The following ALK variants were observed in gnomAD, a reference collection of about 807,000 sequenced individuals.
ALK encodes ALK receptor tyrosine kinase, also known as ALK tyrosine kinase receptor.
Under a neutral mutation model 163.1 loss-of-function variants are expected in ALK, and 74 were observed. That is an observed-to-expected ratio of 0.45 (90% CI 0.38 to 0.55). The LOEUF is 0.55. ALK is among the 20% of genes least tolerant of loss of function. The pLI is 0.00. For missense variants in ALK, 2,063 were observed against 2,105.3 expected, an observed-to-expected ratio of 0.98 and a Z score of 0.39; for synonymous variants, 960 against 843.2, an observed-to-expected ratio of 1.14 and a Z score of -2.40.
At chr2:29,329,034 G>C (rs186714862) in intron 5 of ALK, among the ~76,000 whole-genome samples, 1 of 152,296 alleles carries the variant, frequency 6.6e-6, no homozygotes, top group East Asian at 1.9e-4. Flanking sequence ...ATCTGGACTT[G>C]GATCCTCCTG....
intron 3 of ALK, among the ~76,000 whole-genome samples, chr2:29,685,675 C>T (rs545962327): frequency 2.7e-4 from 41 of 152,204 alleles, no homozygotes; most frequent in African/African-American, 8.4e-4. Flanking sequence ...ATTTTCCTGC[C>T]GACTTGGTCA....
At chr2:29,696,925 T>TA (rs1221648153) in intron 2 of ALK, among the ~76,000 whole-genome samples, 7,797 of 123,694 alleles carry the variant, frequency 0.063, 347 homozygotes, top group African/African-American at 0.13. Context: ...CCCTTTTCCC[T>TA]AAAAAAAAAA....
chr2:29,679,422 T>A (rs1166668219), intron 3 of ALK, among the ~76,000 whole-genome samples: 2 of 151,828 alleles, frequency 1.3e-5, no homozygotes, highest in Non-Finnish European at 3.0e-5. Flanking sequence ...TCTTTCATTT[T>A]TTCCTTTGTT....
intron 1 of ALK, among the ~76,000 whole-genome samples, chr2:29,895,274 G>T (rs1180715999): frequency 1.3e-5 from 2 of 152,204 alleles, no homozygotes; most frequent in Admixed American, 6.5e-5. Context: ...CACTGTGGAG[G>T]GGTGACAACT....
intron 4 of ALK, among the ~76,000 whole-genome samples, chr2:29,517,373 G>A (rs1558362316): frequency 6.6e-6 from 1 of 151,982 alleles, no homozygotes; most frequent in Non-Finnish European, 1.5e-5. Context: ...TTATATCTCT[G>A]AACATATATT....
At chr2:29,375,694 T>G (rs1668738215) in intron 5 of ALK, among the ~76,000 whole-genome samples, 1 of 152,146 alleles carries the variant, frequency 6.6e-6, no homozygotes, top group African/African-American at 2.4e-5. Flanking sequence ...CTTTAATGAT[T>G]TGAAGTGTGA....
chr2:29,460,692 C>T (rs7580476), intron 4 of ALK, among the ~76,000 whole-genome samples: 38,020 of 152,012 alleles, frequency 0.25, 4,973 homozygotes, highest in East Asian at 0.34. Flanking sequence ...ACTGCTCCAC[C>T]GACATGCCAT....
intron 4 of ALK, among the ~76,000 whole-genome samples, chr2:29,454,641 A>C (rs1670904681): frequency 1.3e-5 from 2 of 152,102 alleles, no homozygotes; most frequent in African/African-American, 4.8e-5. Context: ...ATATTATTTT[A>C]ATTCTATATA....
intron 5 of ALK, among the ~76,000 whole-genome samples, chr2:29,354,885 G>C (rs536612989): frequency 6.6e-6 from 1 of 151,344 alleles, no homozygotes; most frequent in Non-Finnish European, 1.5e-5. Context: ...TCCTGCCTCA[G>C]CCTCCCAAGT....
chr2:29,496,838 C>G (rs545920376), intron 4 of ALK, among the ~76,000 whole-genome samples: 1 of 152,328 alleles, frequency 6.6e-6, no homozygotes, highest in South Asian at 2.1e-4. Flanking sequence ...CCAAATGGGG[C>G]TGGCATACTG....
At chr2:29,621,548 G>A (rs567069039) in intron 3 of ALK, among the ~76,000 whole-genome samples, 1 of 152,352 alleles carries the variant, frequency 6.6e-6, no homozygotes, top group South Asian at 2.1e-4. Flanking sequence ...TAGGGCTGAA[G>A]CTGACCCTGG....
chr2:29,624,202 TG>T (rs1558413708), intron 3 of ALK, among the ~76,000 whole-genome samples: 3 of 33,064 alleles, frequency 9.1e-5, no homozygotes, highest in Non-Finnish European at 2.8e-4. Context: ...AACCAAGTCC[TG>T]GGAGACCTTT....
chr2:29,462,650 A>T (rs1446791337), intron 4 of ALK, among the ~76,000 whole-genome samples: 1 of 152,162 alleles, frequency 6.6e-6, no homozygotes. Flanking sequence ...AAACCAAACA[A>T]TTTGTGTTAC....
chr2:29,204,828 A>G (rs1433051813), intron 26 of ALK, among the ~76,000 whole-genome samples: 1 of 152,192 alleles, frequency 6.6e-6, no homozygotes, highest in East Asian at 1.9e-4. Flanking sequence ...ACCTCAGGTG[A>G]TCCGCCCACC....
chr2:29,406,391 G>A (rs1205656897), intron 4 of ALK, among the ~76,000 whole-genome samples: 1 of 152,136 alleles, frequency 6.6e-6, no homozygotes, highest in African/African-American at 2.4e-5. Context: ...AGGATTTGAG[G>A]TGGAATGAGA....
At chr2:29,222,717 G>A (rs1669840788) in intron 20 of ALK, 110 bp from the exon 21 acceptor site, 1 of 894,766 alleles carries the variant, frequency 1.1e-6, no homozygotes, top group East Asian at 2.6e-5. Flanking sequence ...ACGAGAGGCG[G>A]GGGTAACATA....
At chr2:29,528,081 G>A (rs149986605) in intron 4 of ALK, among the ~76,000 whole-genome samples, 76 of 152,252 alleles carry the variant, frequency 5.0e-4, no homozygotes, top group Middle Eastern at 3.4e-3. Context: ...AACGACTTCC[G>A]GTTTAAAATA....
intron 1 of ALK, among the ~76,000 whole-genome samples, chr2:29,889,403 C>A (rs568860539): frequency 1.3e-5 from 2 of 151,882 alleles, no homozygotes; most frequent in Non-Finnish European, 2.9e-5. Flanking sequence ...GAAATGTAAA[C>A]CTCTTGATAA....
intron 11 of ALK, among the ~76,000 whole-genome samples, chr2:29,256,237 T>TA (rs1268092145): frequency 6.6e-6 from 1 of 152,200 alleles, no homozygotes; most frequent in African/African-American, 2.4e-5. Flanking sequence ...TGACTTGTTT[T>TA]GTCCTTCTTC....
Sources: allele counts gnomAD v4.1 joint callset (sites outside exome capture counted in the v4.1 genomes callset), GRCh38; gene constraint gnomAD v4.1.1; transcripts MANE v1.5; gene names NCBI Gene and HGNC (gene_info 2026-07-23, HGNC 2026-07-21).